The following SRRT variants were observed in gnomAD, a reference collection of about 807,000 sequenced individuals.
SRRT encodes the protein serrate, RNA effector molecule.
A neutral mutation model predicts 103.2 loss-of-function variants in SRRT; 32 were observed. The ratio of observed to expected loss-of-function variants is 0.31; its 90% CI spans 0.23 to 0.42. The LOEUF (loss-of-function observed/expected upper bound fraction) is 0.42, where lower values mean the gene tolerates loss of function less well. SRRT is among the 10% of genes least tolerant of loss of function. The probability of loss-of-function intolerance (pLI) is 1.00; values close to 1 mark genes in which losing one functional copy is unlikely to be tolerated. For synonymous variants in SRRT, 525 were observed against 449.0 expected, an observed-to-expected ratio of 1.17 and a Z score of -2.14; for missense variants, 986 against 1,207.5, an observed-to-expected ratio of 0.82 and a Z score of 2.72.
rs144072781 is a variant in SRRT, at chr7:100,881,918, G to A, written c.398+113G>A. ...TCAGGCACACAGAGGCATGTCCCTG[G>A]GGTAGGGGTGGTAGCTGTTGGGGTT... On this transcript the variant is annotated intron_variant, in intron 4 of 19. Transcript: ENST00000611405. 6.6e-4 allele frequency: 975 copies of A among 1,478,740 alleles called. 6 individuals carry two copies. In the African/African-American group the frequency reaches 0.012, roughly 19 times the overall value. The allele number at this position is 1,478,740 out of a possible 1,614,324, so 91.6% of individuals were successfully genotyped here. A position where few individuals can be genotyped will look rare whatever the true frequency, so the allele number is the denominator to read the frequency against.
chr7:100,886,071 TTG>T, intron 12 of SRRT, 130 bp downstream of exon 12: 1 of 1,321,006 alleles, frequency 7.6e-7, no homozygotes, highest in Non-Finnish European at 1.1e-6. Flanking sequence ...TCTGGCTACG[TTG>T]TCTCTGGGCA....
rs749785979 is a variant in SRRT, at chr7:100,886,277, A to T, written c.1489A>T (p.Asn497Tyr). 6.2e-7 allele frequency: 1 copy of T among 1,612,746 alleles called. No individual in the cohort carries two copies. The highest frequency in any genetic ancestry group is 1.7e-5 in the Admixed American group (1 of 59,992). The change falls in exon 13 of 20, where the codon AAC becomes TAC. Residue 497 changes from asparagine to tyrosine, a missense_variant. Physicochemically the swap from Asn to Tyr is moderately radical, Grantham distance 143 (BLOSUM62 -2). Around this residue, in one of 6 missense-constraint regions of SRRT, gnomAD observed 349 missense variants for 446.9 expected, o/e 0.78. Transcript: ENST00000611405. ...LRECELSPGV[N>Y]RDLTRRVRNI... ...GGAGTGTGAGCTGAGCCCTGGTGTG[A>T]ACAGGGACCTGACCCGGCGCGTTCG...
At position 100,888,655 on chromosome 7, in the gene SRRT, T is replaced by G. The variant is rs1488478356; in HGVS notation, c.*106T>G. On this transcript the variant is annotated 3_prime_UTR_variant, in exon 20 of 20. Transcript: ENST00000611405. Reference sequence around the variant, plus strand: ...TCAGCCTTACTGCTAATAAAAGCACTTCCACAGGGCTCCTGACTCTCGTGT... The same window carrying G: ...TCAGCCTTACTGCTAATAAAAGCACGTCCACAGGGCTCCTGACTCTCGTGT... 1 of 1,493,606 alleles carries G rather than the reference T, an allele frequency of 6.7e-7. No homozygotes were observed. The highest frequency in any genetic ancestry group is 2.3e-5 in the East Asian group (1 of 44,184). 92.5% of individuals were successfully genotyped at this position (1,493,606 alleles called of 1,614,324 possible). A position where few individuals can be genotyped will look rare whatever the true frequency, so the allele number is the denominator to read the frequency against.
rs1238727869 is a variant in SRRT at position 100,888,397 on chromosome 7, A to G, written c.2555+14A>G. The G allele has an allele frequency of 1.9e-6, 3 of 1,613,462 alleles. No homozygotes were observed. In the South Asian group the frequency reaches 3.3e-5, roughly 18 times the overall value. Reference sequence around the variant, plus strand: ...ACCTCGCAACAGGTGAGGAGGGCAGACGCCCAAGCTTTGTTGCCGCCTGCA... The same window carrying G: ...ACCTCGCAACAGGTGAGGAGGGCAGGCGCCCAAGCTTTGTTGCCGCCTGCA... On this transcript the variant is annotated intron_variant, in intron 19 of 19. Transcript: ENST00000611405.
rs187961948 is a variant in SRRT, at chr7:100,880,404, G to A, written c.123-881G>A. Reference sequence around the variant, plus strand: ...TGCAAGCTCCGCCTCCCGGGTCCACGCCATTCTCCTGCCTCAGCCTCCCGA... The same window carrying A: ...TGCAAGCTCCGCCTCCCGGGTCCACACCATTCTCCTGCCTCAGCCTCCCGA... On this transcript the variant is annotated intron_variant, in intron 2 of 19. Transcript: ENST00000611405. 4.1e-3 allele frequency among the ~76,000 whole-genome samples: 618 copies of A among 152,198 alleles called. 10 individuals are homozygous for A. Among genetic ancestry groups the A allele is most frequent in the East Asian group, 0.035 (179 of 5,178 alleles).
chr7:100,879,016 G>A (rs1166505492), intron 2 of SRRT, among the ~76,000 whole-genome samples: 3 of 150,002 alleles, frequency 2.0e-5, no homozygotes, highest in Admixed American at 6.7e-5. Context: ...GTATAGTGGC[G>A]TGATCTGGGC....
chr7:100,876,888 G>A (rs1815763979), intron 2 of SRRT, among the ~76,000 whole-genome samples: 1 of 152,194 alleles, frequency 6.6e-6, no homozygotes, highest in Admixed American at 6.5e-5. Context: ...GAATTCCCCA[G>A]ACACGAGTGA....
Position 100,887,414 on chromosome 7 carries a change from C to T in SRRT, c.2070C>T (p.Arg690=), listed in dbSNP as rs756495209. ...AGGAAGAGGCCCAGAAGATGGGGCG[C>T]AAAGACCCAGAGCAGGAAGTGGAGA... ...LSEEEAQKMG[R]KDPEQEVEKF... is the part of the protein sequence containing the mutation. The change falls in exon 16 of 20, where the codon CGC becomes CGT. Residue 690 remains arginine (R), a synonymous_variant. Coordinates refer to ENST00000611405, the MANE Select transcript of SRRT (RefSeq NM_015908.6). The surrounding 1 kb of genome is among the most constrained non-coding windows in gnomAD (Gnocchi z 4.1). 8.1e-6 allele frequency: 13 copies of T among 1,614,074 alleles called. No homozygotes were observed. The Admixed American group carries it at 1.8e-4, about 23-fold the overall frequency.
intron 2 of SRRT, among the ~76,000 whole-genome samples, chr7:100,877,137 A>AT (rs1815801395): frequency 6.6e-6 from 1 of 151,814 alleles, no homozygotes; most frequent in Admixed American, 6.6e-5. Flanking sequence ...AAAAAAAAAA[A>AT]GCCAGCCGGG....
In SRRT at chr7:100,875,298, GC is replaced by G. The variant is rs1815558020; in HGVS notation, c.-48del. On this transcript the variant is annotated 5_prime_UTR_variant, in exon 1 of 20. Transcript: ENST00000611405. ...TCGCCCTGAAATCTAGCCCGTCCGA[GC>G]GCGAGTCCAACGGCCGCGGCCGCAC... is the stretch of plus-strand genomic sequence containing the variant. 1 of 1,006,668 alleles carries G rather than the reference GC, an allele frequency of 9.9e-7. No individual in the cohort carries two copies. The highest frequency in any genetic ancestry group is 1.3e-6 in the Non-Finnish European group (1 of 779,906). The allele number at this position is 1,006,668 out of a possible 1,614,324, so 62.4% of individuals were successfully genotyped here.
chr7:100,881,867 G>A, intron 4 of SRRT, 62 bp downstream of exon 4: 4 of 1,535,822 alleles, frequency 2.6e-6, no homozygotes, highest in Non-Finnish European at 3.5e-6. Flanking sequence ...GGTTGCTGAA[G>A]GCCATGGCTG....
rs751560240 is a variant in SRRT, at chr7:100,882,032, C to T, written c.399-21C>T. 6.2e-7 allele frequency: 1 copy of T among 1,603,072 alleles called. No homozygotes were observed. The highest frequency in any genetic ancestry group is 8.5e-7 in the Non-Finnish European group (1 of 1,175,142). ...CACCGTTCCCCAAAAACCAAGCCTT[C>T]CTGACCGGGGTCCCCTCCAGGCTGG... On this transcript the variant is annotated intron_variant, in intron 4 of 19. Transcript: ENST00000611405. This position sits in a 1 kb window ranked among gnomAD's most constrained non-coding sequence, Gnocchi z 4.2.
At position 100,887,490 on chromosome 7, in the gene SRRT, C is replaced by G; in HGVS notation, c.2146C>G (p.Pro716Ala). The change falls in exon 16 of 20, where the codon CCT becomes GCT. Residue 716 changes from proline (P) to alanine (A), a missense_variant. Pro to Ala is a conservative substitution (Grantham distance 27). Transcript: ENST00000611405. The surrounding 1 kb of genome is among the most constrained non-coding windows in gnomAD (Gnocchi z 4.1). ...ACTGGGCAAGGATAAGTGGCTGTGT[C>G]CTCTCAGTGGCAAGAAATTCAAGGT... is the stretch of plus-strand genomic sequence containing the variant. ...QELGKDKWLCPLSGKKFKGPE... is the reference protein window; with the variant it reads ...QELGKDKWLCALSGKKFKGPE... 1 of 1,614,080 alleles carries G rather than the reference C, an allele frequency of 6.2e-7. No homozygotes were observed. The highest frequency in any genetic ancestry group is 8.5e-7 in the Non-Finnish European group (1 of 1,180,010).
Position 100,885,213 on chromosome 7 carries a change from A to G in SRRT, c.1160A>G (p.Glu387Gly). 1 of 1,613,442 alleles carries G rather than the reference A, an allele frequency of 6.2e-7. No homozygotes were observed. Among genetic ancestry groups the G allele is most frequent in the Non-Finnish European group, 8.5e-7 (1 of 1,179,660 alleles). ...GQAEEEKEEA[E>G]EALKEKEKPK... ...CCTTCCTACCCCCCTTCCTGCCTAG[A>G]AGAAGCGCTCAAGGAGAAGGAGAAG... The change falls in exon 10 of 20, where the codon GAA becomes GGA. Residue 387 changes from glutamate (E) to glycine (G), a missense_variant and splice_region_variant. Transcript: ENST00000611405. This position sits in a 1 kb window ranked among gnomAD's most constrained non-coding sequence, Gnocchi z 4.8.
chr7:100,880,679 T>C (rs971937777), intron 2 of SRRT: 1 of 424,216 alleles, frequency 2.4e-6, no homozygotes, highest in Non-Finnish European at 4.8e-6. Context: ...TTAAAAAGTT[T>C]TCTGTTTTAT....
intron 2 of SRRT, among the ~76,000 whole-genome samples, chr7:100,878,645 C>T (rs555006421): frequency 2.0e-5 from 3 of 151,272 alleles, no homozygotes; most frequent in African/African-American, 4.8e-5. Flanking sequence ...AAATGAATAT[C>T]TACAGTTAAT....
rs201913799 is a variant in SRRT, at chr7:100,875,728, C to G, written c.122+16C>G. On this transcript the variant is annotated intron_variant, in intron 2 of 19. Coordinates refer to ENST00000611405, the MANE Select transcript of SRRT (RefSeq NM_015908.6). ...GGAATGACAGGTGAGCCGTTTTTAA[C>G]TTCATCTTGTCCCCGTTTCATGCCG... 1 of 1,613,114 alleles carries G rather than the reference C, an allele frequency of 6.2e-7. No individual in the cohort carries two copies. Among genetic ancestry groups the G allele is most frequent in the Admixed American group, 1.7e-5 (1 of 59,986 alleles).
Position 100,881,330 on chromosome 7 carries a change from G to A in SRRT, c.168G>A (p.Arg56=). 3 of 1,613,694 alleles carry A rather than the reference G, an allele frequency of 1.9e-6. No individual in the cohort carries two copies. Among genetic ancestry groups the A allele is most frequent in the Non-Finnish European group, 2.5e-6 (3 of 1,179,834 alleles). ...GRERRSRGEY[R]DYDRNRRERF... Reference sequence around the variant, plus strand: ...AGCGCCGTAGTCGGGGTGAATATCGGGACTATGACCGGAATCGGCGAGAGC... The same window carrying A: ...AGCGCCGTAGTCGGGGTGAATATCGAGACTATGACCGGAATCGGCGAGAGC... Residue 56 remains arginine (R), a synonymous_variant, in exon 3 of 20, where the codon CGG becomes CGA. Coordinates refer to ENST00000611405, the MANE Select transcript of SRRT (RefSeq NM_015908.6).
chr7:100,887,590 G>C lies in SRRT; in HGVS notation c.2169+77G>C. The C allele has an allele frequency of 6.3e-7, 1 of 1,584,422 alleles. No homozygotes were observed. ...GACAGGAAGCCCCCTGGGCAGGGGT[G>C]GGGGAACTGCTTACTGCACTGGCAG... On this transcript the variant is annotated intron_variant, in intron 16 of 19. Coordinates refer to ENST00000611405, the MANE Select transcript of SRRT (RefSeq NM_015908.6). The surrounding 1 kb of genome is among the most constrained non-coding windows in gnomAD (Gnocchi z 4.1).
Sources: allele counts gnomAD v4.1 joint callset (sites outside exome capture counted in the v4.1 genomes callset), GRCh38; gene constraint gnomAD v4.1.1; regional missense constraint gnomAD v4.1.1; non-coding constraint Gnocchi (gnomAD v3.1); transcripts MANE v1.5; gene names NCBI Gene and HGNC (gene_info 2026-07-23, HGNC 2026-07-21).